Variants in MARCHF1 observed in about 807,000 individuals in gnomAD.
MARCHF1 encodes the protein membrane associated ring-CH-type finger 1, also known as E3 ubiquitin-protein ligase MARCHF1.
MARCHF1 carries 40 observed loss-of-function variants against 54.2 expected under a neutral mutation model. The ratio of observed to expected loss-of-function variants is 0.74; its 90% CI spans 0.57 to 0.96. The LOEUF (loss-of-function observed/expected upper bound fraction) is 0.96, where lower values mean the gene tolerates loss of function less well. MARCHF1 is among the 40% of genes least tolerant of loss of function. The probability of loss-of-function intolerance (pLI) is 0.00; values close to 1 mark genes in which losing one functional copy is unlikely to be tolerated. For missense variants in MARCHF1, 586 were observed against 656.5 expected, an observed-to-expected ratio of 0.89 and a Z score of 1.17; for synonymous variants, 236 against 236.3, an observed-to-expected ratio of 1.00 and a Z score of 0.01.
intron 3 of MARCHF1, among the ~76,000 whole-genome samples, chr4:163,854,427 A>G (rs992002761): frequency 6.6e-6 from 1 of 152,186 alleles, no homozygotes; most frequent in Non-Finnish European, 1.5e-5. Flanking sequence ...CTAGTAGACA[A>G]TGAGAATTCC....
intron 4 of MARCHF1, among the ~76,000 whole-genome samples, chr4:163,720,852 T>C (rs1001980279): frequency 1.3e-5 from 2 of 152,242 alleles, no homozygotes; most frequent in Non-Finnish European, 2.9e-5. Flanking sequence ...TGTATAAGAA[T>C]GCTTGTGATT....
intron 1 of MARCHF1, among the ~76,000 whole-genome samples, chr4:164,320,579 T>C (rs947461401): frequency 6.6e-6 from 1 of 152,114 alleles, no homozygotes; most frequent in African/African-American, 2.4e-5. Flanking sequence ...CCTACGAATG[T>C]ATAGCCTTTG....
chr4:163,533,700 T>C (rs895477753), intron 9 of MARCHF1, among the ~76,000 whole-genome samples: 1 of 148,100 alleles, frequency 6.8e-6, no homozygotes, highest in Non-Finnish European at 1.5e-5. Context: ...TATATATTTA[T>C]ATATATTAGC....
chr4:163,839,376 G>C (rs916790426), intron 4 of MARCHF1, among the ~76,000 whole-genome samples: 4 of 151,860 alleles, frequency 2.6e-5, no homozygotes, highest in African/African-American at 9.7e-5. Context: ...ATCTAACCAA[G>C]AATATAAAAA....
At chr4:164,136,424 G>A (rs1341723759) in intron 1 of MARCHF1, among the ~76,000 whole-genome samples, 1 of 152,038 alleles carries the variant, frequency 6.6e-6, no homozygotes, top group Non-Finnish European at 1.5e-5. Flanking sequence ...GAAAGTTAGA[G>A]GAGAGTGAGT....
intron 2 of MARCHF1, among the ~76,000 whole-genome samples, chr4:164,106,923 A>G (rs868241262): frequency 1.3e-5 from 2 of 152,148 alleles, no homozygotes; most frequent in African/African-American, 4.8e-5. Flanking sequence ...CAAGGTATCT[A>G]TCAAAGGCTG....
At chr4:164,339,273 C>A (rs1222938264) in intron 1 of MARCHF1, among the ~76,000 whole-genome samples, 1 of 152,150 alleles carries the variant, frequency 6.6e-6, no homozygotes, top group East Asian at 1.9e-4. Flanking sequence ...GCAGAATACA[C>A]CTTGTTTTCA....
intron 2 of MARCHF1, among the ~76,000 whole-genome samples, chr4:164,059,381 A>G (rs911293536): frequency 6.6e-6 from 1 of 152,202 alleles, no homozygotes; most frequent in Non-Finnish European, 1.5e-5. Flanking sequence ...ATGCTTCAAG[A>G]CAAGGCTTTT....
chr4:164,258,450 C>T lies in MARCHF1; in HGVS notation c.-323+125420G>A, dbSNP rs1039142505. Among the ~76,000 whole-genome samples, 8 of 149,750 alleles carry T rather than the reference C, an allele frequency of 5.3e-5. No individual in the cohort carries two copies. The East Asian group carries it at 5.8e-4, about 11-fold the overall frequency. On this transcript the variant is annotated intron_variant, in intron 1 of 9. Coordinates refer to ENST00000514618, the MANE Select transcript of MARCHF1 (RefSeq NM_001394959.1). ...AAAACAATAGAAAAAAATCTGTGTCCTAGTTTCTGTTTCACATTTAATTAT... is the reference window on the plus strand; with the variant it reads ...AAAACAATAGAAAAAAATCTGTGTCTTAGTTTCTGTTTCACATTTAATTAT...
At chr4:164,190,363 T>C (rs1731092551) in intron 1 of MARCHF1, 3 of 584,942 alleles carry the variant, frequency 5.1e-6, no homozygotes, top group East Asian at 2.8e-5. Flanking sequence ...GCTGTAATAT[T>C]GTAAATACTG....
intron 1 of MARCHF1, among the ~76,000 whole-genome samples, chr4:164,120,721 C>T (rs1051341761): frequency 1.3e-5 from 2 of 151,896 alleles, no homozygotes; most frequent in African/African-American, 4.8e-5. Context: ...AAACAATATG[C>T]TCCCGAATGA....
intron 1 of MARCHF1, chr4:164,188,519 G>A (rs1295542383): frequency 5.7e-6 from 4 of 702,870 alleles, no homozygotes; most frequent in South Asian, 1.6e-5. Context: ...GTTCAAGACC[G>A]GCTGCGTGGA....
rs1406581393 is a variant in MARCHF1, at chr4:163,686,635, T to G, written c.162+14178A>C. On this transcript the variant is annotated intron_variant, in intron 5 of 9. Transcript: ENST00000514618. ...GAAAAATTTCATCTCCTAGCTAAAA[T>G]GTTGAACTCAGTACTTCACAAATAG... Among the ~76,000 whole-genome samples the G allele has an allele frequency of 5.9e-5, 9 of 151,974 alleles. 1 individual carries two copies. Among genetic ancestry groups the G allele is most frequent in the Non-Finnish European group, 1.2e-4 (8 of 67,982 alleles).
intron 2 of MARCHF1, among the ~76,000 whole-genome samples, chr4:164,100,374 T>C (rs1427621215): frequency 6.6e-6 from 1 of 152,254 alleles, no homozygotes; most frequent in Admixed American, 6.5e-5. Context: ...AATCTTCTCA[T>C]AGACATATCC....
intron 4 of MARCHF1, among the ~76,000 whole-genome samples, chr4:163,836,233 T>C (rs1324366136): frequency 6.7e-6 from 1 of 148,502 alleles, no homozygotes; most frequent in Non-Finnish European, 1.5e-5. Flanking sequence ...ATTTATTTAT[T>C]TATTTATTTA....
chr4:163,670,000 T>C (rs538666335), intron 5 of MARCHF1, among the ~76,000 whole-genome samples: 1 of 152,294 alleles, frequency 6.6e-6, no homozygotes, highest in Non-Finnish European at 1.5e-5. Flanking sequence ...TTTCAGCTTT[T>C]AAGATGTCTT....
chr4:164,365,208 C>T (rs924908), intron 1 of MARCHF1, among the ~76,000 whole-genome samples: 78,049 of 151,732 alleles, frequency 0.51, 20,990 homozygotes, highest in East Asian at 0.65. Flanking sequence ...GAAATACTTA[C>T]ATGAGAAATA....
At chr4:164,307,746 G>A (rs545784007) in intron 1 of MARCHF1, among the ~76,000 whole-genome samples, 13 of 152,270 alleles carry the variant, frequency 8.5e-5, no homozygotes, top group East Asian at 7.7e-4. Flanking sequence ...CCTTAAATTC[G>A]TGTTACAGTT....
intron 1 of MARCHF1, among the ~76,000 whole-genome samples, chr4:164,156,303 A>G (rs1278018808): frequency 6.6e-6 from 1 of 152,218 alleles, no homozygotes; most frequent in African/African-American, 2.4e-5. Context: ...AATGTCTAGT[A>G]TATAGTCCCA....
Sources: gnomAD v4.1 joint callset for allele counts (sites outside exome capture counted in the v4.1 genomes callset) on GRCh38, gnomAD v4.1.1 for gene constraint, MANE v1.5 for transcripts, NCBI Gene and HGNC (gene_info 2026-07-23, HGNC 2026-07-21) for gene names.